Variants in HNRNPH1 observed in about 807,000 individuals in gnomAD.
HNRNPH1 encodes the protein heterogeneous nuclear ribonucleoprotein H1, also known as heterogeneous nuclear ribonucleoprotein H.
In HNRNPH1, 4 loss-of-function variants were observed where a neutral mutation model predicts 58.6. The observed-to-expected ratio is 0.07, with a 90% CI of 0.03 to 0.16. HNRNPH1 has a LOEUF of 0.16. Ranked by LOEUF, HNRNPH1 falls within the 10% of genes least tolerant of loss-of-function variation. The pLI, the probability that HNRNPH1 is intolerant of heterozygous loss-of-function variation, is 1.00. For missense variants in HNRNPH1, 271 were observed against 564.2 expected (o/e 0.48, Z 5.26); for synonymous variants, 192 against 189.2 (o/e 1.01, Z -0.12).
At chr5:179,619,337 G>C in exon 4 of HNRNPH1, 2 of 1,613,034 alleles carry the variant, frequency 1.2e-6, no homozygotes, top group Non-Finnish European at 1.7e-6. Flanking sequence ...CAAACTGCAC[G>C]AAGGCCTCCC....
At chr5:179,633,286 C>T (rs1445893031) in intron 2 of HNRNPH1, among the ~76,000 whole-genome samples, 1 of 116,434 alleles carries the variant, frequency 8.6e-6, no homozygotes, top group East Asian at 3.8e-4. Flanking sequence ...CCACCACGCC[C>T]GGCCTGTTTG....
chr5:179,621,804 G>A (rs537919384), intron 1 of HNRNPH1: 19 of 378,880 alleles, frequency 5.0e-5, no homozygotes, highest in Non-Finnish European at 9.3e-5. Flanking sequence ...CCACATTACG[G>A]TTTCTCATTC....
At chr5:179,618,120 C>A (rs1426332522) in intron 5 of HNRNPH1, 25 bp downstream of exon 6, 2 of 1,613,326 alleles carry the variant, frequency 1.2e-6, no homozygotes, top group African/African-American at 1.3e-5. Context: ...AGACGACTTG[C>A]CGAACCTTAC....
chr5:179,622,878 G>GT (rs1240993145), intron 1 of HNRNPH1, 159 bp downstream of exon 2: 2 of 155,262 alleles, frequency 1.3e-5, no homozygotes, highest in Admixed American at 1.3e-4. Context: ...CAGCACAGCG[G>GT]TGAGTGTAGT....
chr5:179,615,889 TC>T (rs1398893995), intron 11 of HNRNPH1: 4 of 535,474 alleles, frequency 7.5e-6, no homozygotes, highest in Admixed American at 3.5e-5. Flanking sequence ...AAAGAACACT[TC>T]CCCCTCCCAA....
At chr5:179,616,532 T>C (rs1353071569) in intron 10 of HNRNPH1, 1 of 514,860 alleles carries the variant, frequency 1.9e-6, no homozygotes, top group Non-Finnish European at 3.5e-6. Context: ...CCCCCTCAGT[T>C]TGATACATCA....
chr5:179,633,290 C>CTGTTTGTT (rs71001019), intron 2 of HNRNPH1, among the ~76,000 whole-genome samples: 400 of 149,238 alleles, frequency 2.7e-3, no homozygotes, highest in Middle Eastern at 6.8e-3. Context: ...CACGCCCGGC[C>CTGTTTGTT]TGTTTGTTTG....
At chr5:179,617,875 G>C in exon 7 of HNRNPH1, 2 of 1,613,058 alleles carry the variant, frequency 1.2e-6, no homozygotes, top group Non-Finnish European at 1.7e-6. Context: ...GCTCTGGAAA[G>C]TAGAGCCACC....
At chr5:179,617,339 CG>C (rs1471343977) in intron 8 of HNRNPH1, 174 bp downstream of exon 9, 12 of 778,176 alleles carry the variant, frequency 1.5e-5, no homozygotes, top group Non-Finnish European at 2.5e-5. Context: ...ATCACAAATC[CG>C]TTATACTAAT....
At chr5:179,620,574 G>T in intron 3 of HNRNPH1, 1 of 250,086 alleles carries the variant, frequency 4.0e-6, no homozygotes, top group Non-Finnish European at 7.9e-6. Flanking sequence ...GCTGGTAAAG[G>T]GATCTTACCT....
At chr5:179,622,343 T>C (rs184843537) in intron 1 of HNRNPH1, among the ~76,000 whole-genome samples, 1 of 152,334 alleles carries the variant, frequency 6.6e-6, no homozygotes, top group Admixed American at 6.5e-5. Context: ...ACATTACTAT[T>C]ATTTGTCTAA....
At chr5:179,625,325 A>G (rs1774274598), upstream of HNRNPH1, among the ~76,000 whole-genome samples, 1 of 138,806 alleles carries the variant, frequency 7.2e-6, no homozygotes, top group Non-Finnish European at 1.5e-5. Context: ...GTGAAACCCC[A>G]TCTCTACTAA....
At chr5:179,614,655 C>T (rs915602863) in exon 13 of HNRNPH1, 1 of 466,656 alleles carries the variant, frequency 2.1e-6, no homozygotes, top group Non-Finnish European at 3.9e-6. Flanking sequence ...TTCACTGTTA[C>T]ATCCTAGATG....
At chr5:179,614,207 C>G (rs1768330020) in exon 13 of HNRNPH1, 1 of 152,342 alleles carries the variant, frequency 6.6e-6, no homozygotes, top group South Asian at 2.1e-4. Flanking sequence ...ATTTATTTGA[C>G]AAGTTTCACT....
chr5:179,621,451 G>A (rs1243077643), intron 1 of HNRNPH1, 54 bp from the exon 3 acceptor site: 8 of 1,483,342 alleles, frequency 5.4e-6, no homozygotes, highest in Non-Finnish European at 2.8e-6. Context: ...CCACCTCTGG[G>A]TGACACAGAT....
chr5:179,625,804 C>T (rs867117059), upstream of HNRNPH1, among the ~76,000 whole-genome samples: 20 of 151,732 alleles, frequency 1.3e-4, no homozygotes, highest in Admixed American at 7.2e-4. Flanking sequence ...AGACACAGCC[C>T]GTCACCCAGG....
intron 2 of HNRNPH1, among the ~76,000 whole-genome samples, chr5:179,633,290 C>CTGTTTGTTTGTT (rs71001019): frequency 4.7e-5 from 7 of 149,122 alleles, no homozygotes; most frequent in African/African-American, 9.9e-5. Flanking sequence ...CACGCCCGGC[C>CTGTTTGTTTGTT]TGTTTGTTTG....
chr5:179,621,167 C>T, intron 2 of HNRNPH1, 75 bp downstream of exon 3: 2 of 1,518,988 alleles, frequency 1.3e-6, no homozygotes, highest in Non-Finnish European at 1.8e-6. Context: ...CAGTCAAATA[C>T]CTAAAATTCA....
Position 179,624,029 on chromosome 5 carries a change from A to G in HNRNPH1, c.-896T>C, listed in dbSNP as rs745501723. ...GGCCGCCTGTTCCCTATGGGACTGT[A>G]TAGGAGTCCCGAGCTCTGGGTTGTG... On this transcript the variant is annotated 5_prime_UTR_variant, in exon 1 of 13. Coordinates refer to ENST00000356731, the Ensembl canonical transcript of HNRNPH1. The G allele has an allele frequency of 4.7e-4, 72 of 153,660 alleles. 1 individual carries two copies. Among genetic ancestry groups the G allele is most frequent in the Non-Finnish European group, 8.7e-5 (6 of 69,124 alleles). The allele number at this position is 153,660 out of a possible 1,614,324, so 9.5% of individuals were successfully genotyped here.
Sources: gnomAD v4.1 joint callset for allele counts (sites outside exome capture counted in the v4.1 genomes callset) on GRCh38, gnomAD v4.1.1 for gene constraint, MANE v1.5 for transcripts, NCBI Gene and HGNC (gene_info 2026-07-23, HGNC 2026-07-21) for gene names.